The following SLC39A10 variants were observed in gnomAD, a reference collection of about 807,000 sequenced individuals.
The protein encoded by SLC39A10 is solute carrier family 39 member 10.
A neutral mutation model predicts 65.1 loss-of-function variants in SLC39A10; 13 were observed. The observed-to-expected ratio is 0.20, with a 90% CI of 0.13 to 0.32. The LOEUF (loss-of-function observed/expected upper bound fraction) is 0.32, where lower values mean the gene tolerates loss of function less well. Among genes scored for constraint, SLC39A10 ranks in the 10% least tolerant of loss-of-function variants. SLC39A10 has a pLI of 1.00. For missense variants in SLC39A10, 831 were observed against 1,018.4 expected (o/e 0.82, Z 2.50); for synonymous variants, 321 against 342.2 (o/e 0.94, Z 0.68).
chr2:195,649,396 G>A (rs1356393165), intron 2 of SLC39A10, among the ~76,000 whole-genome samples: 1 of 152,176 alleles, frequency 6.6e-6, no homozygotes, highest in African/African-American at 2.4e-5. Flanking sequence ...AAGAAATAAA[G>A]GTAAGCAGTA....
chr2:195,705,457 C>T (rs1053342211), intron 3 of SLC39A10, among the ~76,000 whole-genome samples: 2 of 152,124 alleles, frequency 1.3e-5, no homozygotes, highest in Admixed American at 6.5e-5. Context: ...GTGAATACAA[C>T]GCCCATTGGA....
At chr2:195,663,459 GGT>G (rs901625682) in intron 1 of SLC39A10, among the ~76,000 whole-genome samples, 3 of 151,916 alleles carry the variant, frequency 2.0e-5, no homozygotes, top group Admixed American at 6.6e-5. Flanking sequence ...AACAATACAT[GGT>G]GTGTTACTAC....
intron 1 of SLC39A10, among the ~76,000 whole-genome samples, chr2:195,665,430 C>T (rs915385901): frequency 1.3e-5 from 2 of 152,174 alleles, no homozygotes; most frequent in Non-Finnish European, 2.9e-5. Context: ...ATCATTGCAC[C>T]ACTGCACTAC....
intron 1 of SLC39A10, among the ~76,000 whole-genome samples, chr2:195,660,666 A>G (rs2105729323): frequency 6.6e-6 from 1 of 152,268 alleles, no homozygotes; most frequent in Admixed American, 6.5e-5. Flanking sequence ...CAGTTTTCCA[A>G]ATAGGGGTGA....
chr2:195,638,963 T>TG (rs397987178), intron 2 of SLC39A10, among the ~76,000 whole-genome samples: 2 of 151,318 alleles, frequency 1.3e-5, no homozygotes, highest in African/African-American at 4.9e-5. Flanking sequence ...TTTTTTTTTT[T>TG]GTTTTTGTTT....
At chr2:195,689,906 G>C (rs758664628) in intron 3 of SLC39A10, among the ~76,000 whole-genome samples, 10 of 152,156 alleles carry the variant, frequency 6.6e-5, no homozygotes, top group Non-Finnish European at 1.5e-4. Context: ...GCCGGTCACA[G>C]TGGCTCACGC....
chr2:195,616,903 C>T (rs527688333), intron 2 of SLC39A10, among the ~76,000 whole-genome samples: 2 of 152,162 alleles, frequency 1.3e-5, no homozygotes, highest in African/African-American at 4.8e-5. Context: ...GCCCCCGGCC[C>T]GGAAAATCTT....
chr2:195,692,203 T>C (rs916677644), intron 3 of SLC39A10, among the ~76,000 whole-genome samples: 7 of 152,226 alleles, frequency 4.6e-5, no homozygotes, highest in African/African-American at 1.4e-4. Context: ...CATTGGTCTA[T>C]GTGCCTATTT....
At chr2:195,651,909 A>G (rs558888649), upstream of SLC39A10, among the ~76,000 whole-genome samples, 42 of 152,304 alleles carry the variant, frequency 2.8e-4, no homozygotes, top group African/African-American at 9.1e-4. Flanking sequence ...TCTGTAACTT[A>G]TTTGAAGATA....
chr2:195,661,011 G>T (rs953919948), intron 1 of SLC39A10, among the ~76,000 whole-genome samples: 4 of 151,988 alleles, frequency 2.6e-5, no homozygotes, highest in African/African-American at 9.7e-5. Context: ...ATAGCCACAA[G>T]ATTTCCTTTT....
At chr2:195,628,322 T>C (rs1307099552) in intron 2 of SLC39A10, among the ~76,000 whole-genome samples, 1 of 152,222 alleles carries the variant, frequency 6.6e-6, no homozygotes, top group Non-Finnish European at 1.5e-5. Flanking sequence ...AATTTACTTT[T>C]CCCTTAGGAA....
intron 2 of SLC39A10, among the ~76,000 whole-genome samples, chr2:195,647,126 A>C (rs1435093710): frequency 1.3e-5 from 2 of 152,152 alleles, no homozygotes; most frequent in Non-Finnish European, 2.9e-5. Flanking sequence ...TTTCGAGGTC[A>C]GTTGGTTAGC....
rs773476180 is a variant in SLC39A10 at position 195,716,666 on chromosome 2, C to G, written c.1726C>G (p.Arg576Gly). Residue 576 changes from arginine (R) to glycine (G), a missense_variant, in exon 7 of 10, where the codon CGA (arginine) becomes GGA (glycine). Transcript: ENST00000359634. ...GTDDSVVSED[R>G]LNETELTDLE... ...TGATGACTCGGTTGTTTCTGAAGATCGACTTAATGAAACTGAACTGACAGA... is the reference window on the plus strand; with the variant it reads ...TGATGACTCGGTTGTTTCTGAAGATGGACTTAATGAAACTGAACTGACAGA... 1.6e-5 allele frequency: 26 copies of G among 1,608,988 alleles called. No individual in the cohort carries two copies. Among genetic ancestry groups the G allele is most frequent in the Non-Finnish European group, 2.1e-5 (25 of 1,177,948 alleles).
upstream of SLC39A10, among the ~76,000 whole-genome samples, chr2:195,656,350 T>C (rs1478387817): frequency 6.6e-6 from 1 of 152,000 alleles, no homozygotes; most frequent in East Asian, 1.9e-4. Context: ...TTAGATGGGA[T>C]GTATGGCGTG....
chr2:195,643,855 T>C (rs964515584), intron 2 of SLC39A10, among the ~76,000 whole-genome samples: 5 of 152,244 alleles, frequency 3.3e-5, no homozygotes, highest in African/African-American at 7.2e-5. Flanking sequence ...GTTTTGTATT[T>C]GCTGTTTCCT....
chr2:195,661,315 A>T (rs1689386989), intron 1 of SLC39A10, among the ~76,000 whole-genome samples: 1 of 152,122 alleles, frequency 6.6e-6, no homozygotes, highest in Admixed American at 6.5e-5. Flanking sequence ...AAAATATCCA[A>T]ACATATTCTC....
intron 3 of SLC39A10, among the ~76,000 whole-genome samples, chr2:195,700,408 T>G (rs1049008583): frequency 3.3e-5 from 5 of 152,220 alleles, no homozygotes; most frequent in Non-Finnish European, 7.3e-5. Flanking sequence ...TTTCTTGTGG[T>G]TATTATGGGG....
At chr2:195,644,253 T>A (rs1167576774) in intron 2 of SLC39A10, among the ~76,000 whole-genome samples, 1 of 151,962 alleles carries the variant, frequency 6.6e-6, no homozygotes, top group Non-Finnish European at 1.5e-5. Flanking sequence ...TCCCAGCACT[T>A]TGGGAGGCCG....
intron 2 of SLC39A10, among the ~76,000 whole-genome samples, chr2:195,619,940 T>A (rs1574476811): frequency 6.6e-6 from 1 of 151,148 alleles, no homozygotes; most frequent in African/African-American, 2.5e-5. Flanking sequence ...TTATTTATTT[T>A]GAGACAGAGT....
Sources: allele counts gnomAD v4.1 joint callset (sites outside exome capture counted in the v4.1 genomes callset), GRCh38; gene constraint gnomAD v4.1.1; transcripts MANE v1.5; gene names NCBI Gene and HGNC (gene_info 2026-07-23, HGNC 2026-07-21).